RHCE: variants seen among roughly 807,000 people sequenced by gnomAD.
RHCE encodes Rh blood group CcEe antigens, also known as blood group Rh(CE) polypeptide.
Under a neutral mutation model 43.8 loss-of-function variants are expected in RHCE, and 22 were observed. The ratio of observed to expected loss-of-function variants is 0.50; its 90% CI spans 0.36 to 0.72. The LOEUF is 0.72. Ranked by LOEUF, RHCE falls within the 30% of genes least tolerant of loss-of-function variation. The pLI, the probability that RHCE is intolerant of heterozygous loss-of-function variation, is 0.00. For missense variants in RHCE, 385 were observed against 525.4 expected (o/e 0.73, Z 2.61); for synonymous variants, 156 against 210.7 (o/e 0.74, Z 2.25).
At chr1:25,413,212 C>T (rs1195612174) in intron 1 of RHCE, among the ~76,000 whole-genome samples, 1 of 152,136 alleles carries the variant, frequency 6.6e-6, no homozygotes, top group Admixed American at 6.5e-5. Flanking sequence ...GCAGCAGTTT[C>T]CATGAGCTGT....
At chr1:25,428,300 C>T (rs991812580) in intron 2 of RHCE, among the ~76,000 whole-genome samples, 5 of 152,160 alleles carry the variant, frequency 3.3e-5, no homozygotes, top group African/African-American at 9.7e-5. Flanking sequence ...AGGCTGGAGC[C>T]CGGACTTTAC....
intron 7 of RHCE, among the ~76,000 whole-genome samples, chr1:25,382,856 A>C (rs1423826439): frequency 6.6e-6 from 1 of 151,836 alleles, no homozygotes; most frequent in African/African-American, 2.4e-5. Flanking sequence ...GGCATTCCAG[A>C]GATGCTATTA....
At chr1:25,417,628 T>C (rs1290339003) in intron 1 of RHCE, among the ~76,000 whole-genome samples, 1 of 152,106 alleles carries the variant, frequency 6.6e-6, no homozygotes, top group African/African-American at 2.4e-5. Context: ...TGCCTGGAGA[T>C]TGACACCATT....
At chr1:25,419,210 T>C (rs2042692496) in intron 1 of RHCE, among the ~76,000 whole-genome samples, 1 of 152,246 alleles carries the variant, frequency 6.6e-6, no homozygotes, top group Non-Finnish European at 1.5e-5. Context: ...GCCTGGTACA[T>C]AGTAAGTGCT....
chr1:25,392,545 G>A (rs1024305199), intron 3 of RHCE, among the ~76,000 whole-genome samples: 7 of 148,328 alleles, frequency 4.7e-5, no homozygotes, highest in Admixed American at 2.7e-4. Flanking sequence ...ACAGGCATGA[G>A]CCACTGTGCC....
chr1:25,394,085 T>A (rs1571877324), intron 3 of RHCE, among the ~76,000 whole-genome samples: 1 of 152,104 alleles, frequency 6.6e-6, no homozygotes, highest in East Asian at 1.9e-4. Flanking sequence ...ACCCACTGGG[T>A]TCAAGCGATT....
chr1:25,369,343 C>G (rs1414743751), intron 9 of RHCE, among the ~76,000 whole-genome samples: 1 of 151,620 alleles, frequency 6.6e-6, no homozygotes, highest in African/African-American at 2.4e-5. Flanking sequence ...GGCACAACAC[C>G]GGGCAGCAGC....
chr1:25,378,983 T>C (rs1175047825), intron 7 of RHCE, among the ~76,000 whole-genome samples: 1 of 152,158 alleles, frequency 6.6e-6, no homozygotes, highest in East Asian at 1.9e-4. Flanking sequence ...AAAAGAAGCA[T>C]ACAAAAGCAC....
intron 1 of RHCE, among the ~76,000 whole-genome samples, chr1:25,418,979 C>G (rs376523021): frequency 2.0e-5 from 3 of 152,162 alleles, no homozygotes; most frequent in African/African-American, 7.2e-5. Flanking sequence ...AATGACTCAA[C>G]GCCACTGTAA....
At chr1:25,411,270 A>G (rs534519040) in intron 1 of RHCE, 7 of 1,541,722 alleles carry the variant, frequency 4.5e-6, no homozygotes, top group Middle Eastern at 1.7e-4. Context: ...TGCCTAGCAC[A>G]TGGAGAACAC....
intron 6 of RHCE, among the ~76,000 whole-genome samples, chr1:25,387,550 C>T (rs931782291): frequency 6.6e-6 from 1 of 152,196 alleles, no homozygotes; most frequent in Non-Finnish European, 1.5e-5. Context: ...ATGCGATGGG[C>T]GCTGAGCCTG....
intron 3 of RHCE, among the ~76,000 whole-genome samples, chr1:25,393,428 C>T (rs1374684850): frequency 6.6e-6 from 1 of 152,128 alleles, no homozygotes; most frequent in Non-Finnish European, 1.5e-5. Flanking sequence ...CGATACCAGC[C>T]TGGCCAACAT....
intron 1 of RHCE, among the ~76,000 whole-genome samples, chr1:25,414,050 G>A (rs149796987): frequency 0.018 from 2,791 of 152,162 alleles, 91 homozygotes; most frequent in African/African-American, 0.064. Flanking sequence ...CATTGAGCTC[G>A]CTGGCTCATG....
intron 2 of RHCE, among the ~76,000 whole-genome samples, chr1:25,427,867 C>G (rs946605456): frequency 1.3e-5 from 2 of 152,236 alleles, no homozygotes; most frequent in African/African-American, 4.8e-5. Context: ...GAAGCACCAC[C>G]TCCAGAGGAG....
chr1:25,385,406 C>T, intron 7 of RHCE: 1 of 439,790 alleles, frequency 2.3e-6, no homozygotes, highest in Non-Finnish European at 4.3e-6. Context: ...CGACCTGAAC[C>T]ACAGTCTCAA....
chr1:25,416,487 T>C (rs1647458722), intron 1 of RHCE, among the ~76,000 whole-genome samples: 1 of 152,138 alleles, frequency 6.6e-6, no homozygotes, highest in African/African-American at 2.4e-5. Flanking sequence ...ATGGTCTCCA[T>C]CTCCAGACCT....
upstream of RHCE, chr1:25,420,933 T>C (rs2042752176): frequency 7.9e-6 from 12 of 1,524,114 alleles, no homozygotes; most frequent in South Asian, 2.4e-5. Flanking sequence ...CTGGCCTGTC[T>C]ATGGAGTTAA....
rs1252262550 is a variant in RHCE, at chr1:25,386,232, C to T, written c.940-388G>A. ...AAGCATCATTCCTGGTCTCTCCCCA[C>T]GAGCTGCCAGTAGCAGCCCTCACCC... On this transcript the variant is annotated intron_variant, in intron 6 of 9. Transcript: ENST00000294413. Among the ~76,000 whole-genome samples the T allele has an allele frequency of 3.9e-5, 6 of 152,192 alleles. 1 individual carries two copies. Among genetic ancestry groups the T allele is most frequent in the Admixed American group, 2.6e-4 (4 of 15,288 alleles).
At chr1:25,411,242 AAAT>A in intron 1 of RHCE, 1 of 1,442,890 alleles carries the variant, frequency 6.9e-7, no homozygotes, top group Non-Finnish European at 9.3e-7. Flanking sequence ...CATCCGAAGG[AAAT>A]AATGTTTAGT....
Sources: allele counts gnomAD v4.1 joint callset (sites outside exome capture counted in the v4.1 genomes callset), GRCh38; gene constraint gnomAD v4.1.1; transcripts MANE v1.5; gene names NCBI Gene and HGNC (gene_info 2026-07-23, HGNC 2026-07-21).